The following DIP2C variants were observed in gnomAD, a reference collection of about 807,000 sequenced individuals.
DIP2C encodes the protein disco-interacting protein 2 homolog C.
In DIP2C, 33 loss-of-function variants were observed where a neutral mutation model predicts 192.4. The observed-to-expected ratio is 0.17, with a 90% confidence interval of 0.13 to 0.23. The LOEUF (loss-of-function observed/expected upper bound fraction) is 0.23, where lower values mean the gene tolerates loss of function less well. Ranked by LOEUF, DIP2C falls within the 10% of genes least tolerant of loss-of-function variation. DIP2C has a pLI of 1.00. For missense variants in DIP2C, 1,537 were observed against 2,110.1 expected (o/e 0.73, Z 5.32); for synonymous variants, 979 against 864.1 (o/e 1.13, Z -2.33).
intron 17 of DIP2C, among the ~76,000 whole-genome samples, chr10:375,208 G>A (rs186659704): frequency 3.3e-5 from 5 of 152,360 alleles, no homozygotes; most frequent in Admixed American, 6.5e-5. Context: ...AGTAACACGA[G>A]AGTTCTCACT....
Position 651,436 on chromosome 10 carries a change from G to C in DIP2C, c.85+38058C>G, listed in dbSNP as rs748677494. ...ACTGAATGAACAAGTATGTTAAGTC[G>C]TTAAGTAAAAATAGCAGAAGACTTA... On this transcript the variant is annotated intron_variant, in intron 1 of 36. Coordinates refer to ENST00000280886, the MANE Select transcript of DIP2C (RefSeq NM_014974.3). The surrounding 1 kb of genome is among the most constrained non-coding windows in gnomAD (Gnocchi z 4.1). 1.5e-6 allele frequency: 1 copy of C among 684,696 alleles called. No individual in the cohort carries two copies. Among genetic ancestry groups the C allele is most frequent in the South Asian group, 1.5e-5 (1 of 65,776 alleles). The allele number at this position is 684,696 out of a possible 1,614,324, so 42.4% of individuals were successfully genotyped here.
intron 7 of DIP2C, 117 bp from the exon 8 acceptor site, chr10:414,227 G>A (rs1409286011): frequency 3.3e-6 from 4 of 1,226,898 alleles, no homozygotes; most frequent in South Asian, 1.6e-5. Flanking sequence ...TTTATTAGCT[G>A]ACAGAAAAGC....
chr10:543,168 G>A (rs1369284618), intron 1 of DIP2C, among the ~76,000 whole-genome samples: 2 of 152,238 alleles, frequency 1.3e-5, no homozygotes, highest in African/African-American at 2.4e-5. Flanking sequence ...TCTTCGCAAG[G>A]ATCGTGTTCC....
chr10:629,424 G>GTAGATA (rs1854383507), intron 1 of DIP2C, among the ~76,000 whole-genome samples: 1 of 152,210 alleles, frequency 6.6e-6, no homozygotes. Context: ...GGAATGGGAA[G>GTAGATA]TAGATACCCC....
chr10:600,725 C>G (rs989110175), intron 1 of DIP2C, among the ~76,000 whole-genome samples: 1 of 152,234 alleles, frequency 6.6e-6, no homozygotes, highest in African/African-American at 2.4e-5. Flanking sequence ...GAGATTTTCA[C>G]AGTCTCATTT....
chr10:366,502 A>G, intron 18 of DIP2C, 91 bp from the exon 19 acceptor site: 1 of 1,567,084 alleles, frequency 6.4e-7, no homozygotes, highest in Admixed American at 1.7e-5. Context: ...GAACGACACC[A>G]GTGAACAGGA....
chr10:377,532 A>C (rs935929116), intron 17 of DIP2C, among the ~76,000 whole-genome samples: 7 of 152,210 alleles, frequency 4.6e-5, no homozygotes, highest in Admixed American at 3.9e-4. Context: ...GCAAAATTTT[A>C]TCCCTCTTTT....
chr10:418,256 G>A (rs1303371557), intron 6 of DIP2C, among the ~76,000 whole-genome samples: 2 of 134,820 alleles, frequency 1.5e-5, no homozygotes, highest in African/African-American at 5.6e-5. Flanking sequence ...CCTGTTCACT[G>A]CACCTGTCAG....
chr10:456,317 A>G (rs1287415876), intron 3 of DIP2C, among the ~76,000 whole-genome samples: 25 of 114,262 alleles, frequency 2.2e-4, no homozygotes, highest in Admixed American at 5.0e-4. Flanking sequence ...AATGAGATGA[A>G]AACACTCTGC....
In DIP2C at chr10:626,743, C is replaced by T. The variant is rs1379399185; in HGVS notation, c.85+62751G>A. On this transcript the variant is annotated intron_variant, in intron 1 of 36. Transcript: ENST00000280886. ...AGGATGGAACACCCCACGGTCACGC[C>T]GATTGTCAGGCCCTCTCACTGTTGC... Among the ~76,000 whole-genome samples the T allele has an allele frequency of 7.2e-5, 10 of 139,316 alleles. 1 individual carries two copies. The highest frequency in any genetic ancestry group is 6.2e-4 in the Admixed American group (9 of 14,576). The allele number at this position is 139,316 out of a possible 152,430, so 91.4% of individuals were successfully genotyped here. A position where few individuals can be genotyped will look rare whatever the true frequency, so the allele number is the denominator to read the frequency against.
chr10:407,212 AG>A (rs1264382063), intron 9 of DIP2C, among the ~76,000 whole-genome samples: 6 of 152,246 alleles, frequency 3.9e-5, no homozygotes, highest in Non-Finnish European at 5.9e-5. Context: ...TTACGCTCGC[AG>A]GAACGGAATC....
intron 1 of DIP2C, among the ~76,000 whole-genome samples, chr10:637,416 C>G (rs1050015718): frequency 1.3e-5 from 2 of 152,248 alleles, no homozygotes; most frequent in African/African-American, 4.8e-5. Flanking sequence ...GTTCATTTCT[C>G]ACAGCTCTCA....
rs559591794 is a variant in DIP2C, at chr10:447,948, G to A, written c.269-6952C>T. Reference sequence around the variant, plus strand: ...CTATACTCAGGATCACACACAGTGGGGCAGCAGGACCCAATCACCCCCGTT... The same window carrying A: ...CTATACTCAGGATCACACACAGTGGAGCAGCAGGACCCAATCACCCCCGTT... On this transcript the variant is annotated intron_variant, in intron 3 of 36. Coordinates refer to ENST00000280886, the MANE Select transcript of DIP2C (RefSeq NM_014974.3). Among the ~76,000 whole-genome samples the A allele has an allele frequency of 1.8e-4, 22 of 121,900 alleles. 1 individual carries two copies. The East Asian group carries it at 2.6e-3, about 15-fold the overall frequency. 80.0% of individuals were successfully genotyped at this position (121,900 alleles called of 152,430 possible). A position where few individuals can be genotyped will look rare whatever the true frequency, so the allele number is the denominator to read the frequency against.
rs1491343596 is a variant in DIP2C at position 323,475 on chromosome 10, C to CA, written c.3924+3530_3924+3531insT. On this transcript the variant is annotated intron_variant, in intron 31 of 36. Transcript: ENST00000280886. ...CAGCGAGAGACCAGCGTTGTTAGAA[C>CA]GCAGTCAGTCTGAGAGCAGACACCC... is the stretch of plus-strand genomic sequence containing the variant. 8.5e-3 allele frequency among the ~76,000 whole-genome samples: 103 copies of CA among 12,148 alleles called. 18 individuals carry two copies. In the East Asian group the frequency reaches 0.14, roughly 17 times the overall value. The allele number at this position is 12,148 out of a possible 152,430, so 8.0% of individuals were successfully genotyped here. A position where few individuals can be genotyped will look rare whatever the true frequency, so the allele number is the denominator to read the frequency against.
chr10:682,191 G>A (rs1272881565), intron 1 of DIP2C, among the ~76,000 whole-genome samples: 2 of 152,232 alleles, frequency 1.3e-5, no homozygotes, highest in Non-Finnish European at 2.9e-5. Flanking sequence ...GCTTCTTCCT[G>A]CAGCAACGCA....
intron 1 of DIP2C, among the ~76,000 whole-genome samples, chr10:602,370 A>C (rs1425183268): frequency 1.3e-5 from 2 of 152,158 alleles, no homozygotes; most frequent in Non-Finnish European, 2.9e-5. Context: ...CGCAGCCCTA[A>C]CACCACAGCA....
At chr10:521,251 GCAAA>G (rs535775028) in intron 1 of DIP2C, among the ~76,000 whole-genome samples, 72 of 152,274 alleles carry the variant, frequency 4.7e-4, no homozygotes, top group African/African-American at 1.7e-3. Context: ...CCACCAAGCA[GCAAA>G]CAAAGGAACA....
chr10:625,661 G>A (rs73588197), intron 1 of DIP2C, among the ~76,000 whole-genome samples: 5,720 of 152,226 alleles, frequency 0.038, 112 homozygotes, highest in East Asian at 0.067. Context: ...CACGCACACT[G>A]CGCTTCAATC....
chr10:482,546 T>C (rs1843682958), intron 2 of DIP2C, among the ~76,000 whole-genome samples: 1 of 152,156 alleles, frequency 6.6e-6, no homozygotes, highest in African/African-American at 2.4e-5. Flanking sequence ...TGTCCGGCTA[T>C]TGAAGGAAAA....
Sources: gnomAD v4.1 joint callset for allele counts (sites outside exome capture counted in the v4.1 genomes callset) on GRCh38, gnomAD v4.1.1 for gene constraint, Gnocchi (gnomAD v3.1) non-coding constraint, MANE v1.5 for transcripts, NCBI Gene and HGNC (gene_info 2026-07-23, HGNC 2026-07-21) for gene names.